Variants in OTP observed in about 807,000 individuals in gnomAD.
The protein encoded by OTP is orthopedia homeobox, also known as homeobox protein orthopedia.
Under a neutral mutation model 22.3 loss-of-function variants are expected in OTP, and 5 were observed. The ratio of observed to expected loss-of-function variants is 0.22; its 90% CI spans 0.12 to 0.47. The LOEUF (loss-of-function observed/expected upper bound fraction) is 0.47, where lower values mean the gene tolerates loss of function less well. Ranked by LOEUF, OTP falls within the 20% of genes least tolerant of loss-of-function variation. The pLI, the probability that OTP is intolerant of heterozygous loss-of-function variation, is 0.99. For synonymous variants in OTP, 229 were observed against 210.6 expected, an observed-to-expected ratio of 1.09 and a Z score of -0.76; for missense variants, 428 against 456.2, an observed-to-expected ratio of 0.94 and a Z score of 0.56.
In OTP at chr5:77,629,987, G is replaced by T; in HGVS notation, c.*277C>A. The T allele has an allele frequency of 4.8e-6, 1 of 207,372 alleles. No individual in the cohort carries two copies. Among genetic ancestry groups the T allele is most frequent in the Non-Finnish European group, 9.6e-6 (1 of 104,250 alleles). 12.8% of individuals were successfully genotyped at this position (207,372 alleles called of 1,614,324 possible). A position where few individuals can be genotyped will look rare whatever the true frequency, so the allele number is the denominator to read the frequency against. On this transcript the variant is annotated 3_prime_UTR_variant, in exon 3 of 3. Coordinates refer to ENST00000306422, the MANE Select transcript of OTP (RefSeq NM_032109.3). ...GGCGGGAAGGGTGGGCTGAGGCGCT[G>T]GAGACCGAGCCGAGGGCGCAGCTGG...
intron 2 of OTP, chr5:77,636,555 T>G: frequency 2.4e-6 from 1 of 415,100 alleles, no homozygotes; most frequent in Non-Finnish European, 4.3e-6. Context: ...AGGCGAACCC[T>G]GTAGCCCGAC....
chr5:77,630,459 G>T lies in OTP; in HGVS notation c.783C>A (p.Gly261=). 1 of 1,585,774 alleles carries T rather than the reference G, an allele frequency of 6.3e-7. No homozygotes were observed. The change falls in exon 3 of 3, where the codon GGC becomes GGA. Residue 261 remains glycine, a synonymous_variant. Coordinates refer to ENST00000306422, the MANE Select transcript of OTP (RefSeq NM_032109.3). ...GGTAGAGGTGCGACTGCAGCCCCGC[G>T]CCGTTGGAACCCGCCAGGCTGTTGG... ...GLSNSLAGSN[G]AGLQSHLYQP...
Position 77,638,593 on chromosome 5 carries a change from G to C in OTP, c.-44C>G. 6.6e-7 allele frequency: 1 copy of C among 1,525,344 alleles called. No homozygotes were observed. The highest frequency in any genetic ancestry group is 1.4e-5 in the African/African-American group (1 of 70,858). The allele number at this position is 1,525,344 out of a possible 1,614,324, so 94.5% of individuals were successfully genotyped here. A position where few individuals can be genotyped will look rare whatever the true frequency, so the allele number is the denominator to read the frequency against. ...GAAAGCTGTTCCCCCCCAAATTTTA[G>C]CGGCTTTAAGTTATTTAAAATAGAT... On this transcript the variant is annotated 5_prime_UTR_variant, in exon 1 of 3. Coordinates refer to ENST00000306422, the MANE Select transcript of OTP (RefSeq NM_032109.3).
In OTP at chr5:77,637,139, C is replaced by T; in HGVS notation, c.129G>A (p.Gly43=). The change falls in exon 2 of 3, where the codon GGG becomes GGA. Residue 43 remains glycine (G), a synonymous_variant. Transcript: ENST00000306422. The part of the protein sequence containing the change: ...VGGSDPGGHP[G]DLAPNSDPVE... The stretch of plus-strand genomic sequence containing the variant: ...CTGGGTCAGAGTTGGGCGCCAGGTC[C>T]CCCGGATGGCCCCCGGGGTCGGAGC... 2.5e-6 allele frequency: 4 copies of T among 1,599,132 alleles called. No homozygotes were observed. Among genetic ancestry groups the T allele is most frequent in the Non-Finnish European group, 3.4e-6 (4 of 1,172,922 alleles).
chr5:77,636,467 A>G, intron 2 of OTP: 1 of 259,160 alleles, frequency 3.9e-6, no homozygotes, highest in Non-Finnish European at 7.3e-6. Context: ...ATATTTGTCA[A>G]TAATGCGAGC....
At chr5:77,638,114 G>A (rs1745037946) in intron 1 of OTP, among the ~76,000 whole-genome samples, 1 of 151,492 alleles carries the variant, frequency 6.6e-6, no homozygotes, top group South Asian at 2.1e-4. Context: ...TAGAAAAGGA[G>A]GAGAGAAGAA....
In OTP at chr5:77,630,672, G is replaced by A; in HGVS notation, c.570C>T (p.Ala190=). Residue 190 remains alanine, a synonymous_variant, in exon 3 of 3, where the codon GCC becomes GCT. Transcript: ENST00000306422. ...GGCTGTCGCCCATGGCGGCGGCAGC[G>A]GCGGCGGCAGCCGACGGGAACTGAG... ...GLPQFPSAAA[A]AAAAMGDSLC... is the part of the protein sequence containing the mutation. 6.3e-7 allele frequency: 1 copy of A among 1,578,966 alleles called. No individual in the cohort carries two copies. Among genetic ancestry groups the A allele is most frequent in the Non-Finnish European group, 8.5e-7 (1 of 1,170,566 alleles).
Position 77,637,182 on chromosome 5 carries a change from C to A in OTP, c.86G>T (p.Cys29Phe), listed in dbSNP as rs1486594324. The A allele has an allele frequency of 1.3e-6, 2 of 1,558,902 alleles. No homozygotes were observed. The highest frequency in any genetic ancestry group is 1.7e-6 in the Non-Finnish European group (2 of 1,153,292). ...ELLGHREAVK[C>F]RLGVGGSDPG... ...GTCGGAGCCCCCCACGCCCAGCCTA[C>A]ACTTCACCGCCTCCCGGTGGCCCAG... Residue 29 changes from cysteine (C) to phenylalanine (F), a missense_variant, in exon 2 of 3, where the codon TGT (cysteine) becomes TTT (phenylalanine). Coordinates refer to ENST00000306422, the MANE Select transcript of OTP (RefSeq NM_032109.3).
At chr5:77,637,358 C>T (rs949205195) in intron 1 of OTP, 128 bp from the exon 2 acceptor site, 3 of 1,118,180 alleles carry the variant, frequency 2.7e-6, no homozygotes, top group Admixed American at 5.9e-5. Context: ...AAGGAAGAAA[C>T]TCCCAGGGTA....
At chr5:77,638,232 G>C (rs559886405) in intron 1 of OTP, among the ~76,000 whole-genome samples, 2 of 140,108 alleles carry the variant, frequency 1.4e-5, no homozygotes, top group Non-Finnish European at 3.1e-5. Flanking sequence ...AAATTATCAC[G>C]GGGTATATCG....
chr5:77,631,858 A>C (rs1744937016), intron 2 of OTP, among the ~76,000 whole-genome samples: 1 of 152,054 alleles, frequency 6.6e-6, no homozygotes, highest in Non-Finnish European at 1.5e-5. Flanking sequence ...CCACCGCGCC[A>C]AGCCAAAGTC....
intron 1 of OTP, among the ~76,000 whole-genome samples, chr5:77,638,304 T>TA: frequency 6.7e-6 from 1 of 148,480 alleles, no homozygotes; most frequent in Middle Eastern, 3.6e-3. Flanking sequence ...AAACAAAAAG[T>TA]AACAACATTC....
rs1242054645 is a variant in OTP, at chr5:77,629,232, A to G, written c.*1032T>C. Reference sequence around the variant, plus strand: ...AAAATTTTGCTTACACGTTTATTTTATTCTTCCTTATAAAGACTTATCAAA... The same window carrying G: ...AAAATTTTGCTTACACGTTTATTTTGTTCTTCCTTATAAAGACTTATCAAA... On this transcript the variant is annotated 3_prime_UTR_variant, in exon 3 of 3. Coordinates refer to ENST00000306422, the MANE Select transcript of OTP (RefSeq NM_032109.3). 1.3e-5 allele frequency: 2 copies of G among 152,210 alleles called. No homozygotes were observed. The highest frequency in any genetic ancestry group is 1.5e-5 in the Non-Finnish European group (1 of 68,028). 9.4% of individuals were successfully genotyped at this position (152,210 alleles called of 1,614,324 possible).
rs887866810 is a variant in OTP, at chr5:77,630,395, C to G, written c.847G>C (p.Gly283Arg). ...FPGMVPASLP[G>R]PSNVSGSPQL... Reference sequence around the variant, plus strand: ...GGCGAACCGGAGACGTTGCTGGGGCCGGGGAGGGAGGCGGGCACCATGCCG... The same window carrying G: ...GGCGAACCGGAGACGTTGCTGGGGCGGGGGAGGGAGGCGGGCACCATGCCG... The change falls in exon 3 of 3, where the codon GGC (glycine) becomes CGC (arginine). Residue 283 changes from glycine to arginine, a missense_variant. Physicochemically the swap from Gly to Arg is moderately radical, Grantham distance 125. Transcript: ENST00000306422. The G allele has an allele frequency of 1.3e-6, 2 of 1,579,960 alleles. No homozygotes were observed. The highest frequency in any genetic ancestry group is 2.3e-5 in the East Asian group (1 of 43,858).
chr5:77,637,172 G>C lies in OTP; in HGVS notation c.96C>G (p.Gly32=), dbSNP rs773450056. The C allele has an allele frequency of 2.5e-6, 4 of 1,571,148 alleles. No individual in the cohort carries two copies. In the South Asian group the frequency reaches 4.7e-5, roughly 18 times the overall value. Residue 32 remains glycine, a synonymous_variant, in exon 2 of 3, where the codon GGC becomes GGG. Transcript: ENST00000306422. ...GHREAVKCRL[G]VGGSDPGGHP... ...GGCCCCCGGGGTCGGAGCCCCCCAC[G>C]CCCAGCCTACACTTCACCGCCTCCC... is the stretch of plus-strand genomic sequence containing the variant.
In OTP at chr5:77,630,669, A is replaced by AGCG; in HGVS notation, c.570_572dup (p.Ala194dup). ...ACAGGCTGTCGCCCATGGCGGCGGC[A>AGCG]GCGGCGGCGGCAGCCGACGGGAACT... is the stretch of plus-strand genomic sequence containing the variant. On this transcript the variant is annotated inframe_insertion, in exon 3 of 3. Coordinates refer to ENST00000306422, the MANE Select transcript of OTP (RefSeq NM_032109.3). The AGCG allele has an allele frequency of 5.7e-6, 9 of 1,579,352 alleles. No individual in the cohort carries two copies. The highest frequency in any genetic ancestry group is 7.7e-6 in the Non-Finnish European group (9 of 1,170,720).
At chr5:77,637,691 T>C (rs1745032031) in intron 1 of OTP, among the ~76,000 whole-genome samples, 1 of 152,182 alleles carries the variant, frequency 6.6e-6, no homozygotes, top group Non-Finnish European at 1.5e-5. Context: ...GATTCCCTCT[T>C]ACTTTCGGAA....
In OTP at chr5:77,630,020, G is replaced by A. The variant is rs1192488923; in HGVS notation, c.*244C>T. On this transcript the variant is annotated 3_prime_UTR_variant, in exon 3 of 3. Transcript: ENST00000306422. ...AGCCGAGGGCGCAGCTGGGTGGGAA[G>A]GGAAGAGGGGCGGCCGGGAGACGGG... 1 of 244,080 alleles carries A rather than the reference G, an allele frequency of 4.1e-6. No homozygotes were observed. The highest frequency in any genetic ancestry group is 1.7e-4 in the South Asian group (1 of 5,762). The allele number at this position is 244,080 out of a possible 1,614,324, so 15.1% of individuals were successfully genotyped here.
At chr5:77,631,540 T>G (rs1209667170) in intron 2 of OTP, among the ~76,000 whole-genome samples, 1 of 146,014 alleles carries the variant, frequency 6.8e-6, no homozygotes, top group Non-Finnish European at 1.5e-5. Flanking sequence ...CCAAGAGCCT[T>G]CAACCCTATT....
Sources: allele counts gnomAD v4.1 joint callset (sites outside exome capture counted in the v4.1 genomes callset), GRCh38; gene constraint gnomAD v4.1.1; transcripts MANE v1.5; gene names NCBI Gene and HGNC (gene_info 2026-07-23, HGNC 2026-07-21).